Variants in TRIM5 observed in about 807,000 individuals in gnomAD.
TRIM5 encodes tripartite motif-containing protein 5.
In TRIM5, 31 loss-of-function variants were observed where a neutral mutation model predicts 35.6. The observed-to-expected ratio is 0.87, with a 90% CI of 0.65 to 1.18. The LOEUF is 1.18. TRIM5 is among the 50% of genes most tolerant of loss of function. The probability of loss-of-function intolerance (pLI) is 0.00; values close to 1 mark genes in which losing one functional copy is unlikely to be tolerated. For synonymous variants in TRIM5, 243 were observed against 215.6 expected, an observed-to-expected ratio of 1.13 and a Z score of -1.11; for missense variants, 609 against 591.6, an observed-to-expected ratio of 1.03 and a Z score of -0.31.
intron 4 of TRIM5, among the ~76,000 whole-genome samples, chr11:5,670,323 T>G (rs190072810): frequency 3.3e-4 from 49 of 148,092 alleles, no homozygotes; most frequent in South Asian, 6.7e-4. Context: ...GACTACAGGC[T>G]CCCACCACCA....
At chr11:5,657,487 ATTTATAT>A in the TRIM5 span, among the ~76,000 whole-genome samples, 1 of 123,148 alleles carries the variant, frequency 8.1e-6, no homozygotes, top group Non-Finnish European at 1.8e-5. Flanking sequence ...TATATAATGC[ATTTATAT>A]ATATATTTAT....
the TRIM5 span, chr11:5,610,604 C>T: frequency 1.2e-5 from 20 of 1,600,156 alleles, no homozygotes; most frequent in Non-Finnish European, 1.5e-5. Flanking sequence ...ACATTCTGAT[C>T]TCCTTTCACA....
Position 5,679,927 on chromosome 11 carries a change from T to C in TRIM5, c.251A>G (p.Lys84Arg), listed in dbSNP as rs149398205. Residue 84 changes from lysine (K) to arginine (R), a missense_variant, in exon 2 of 8, where the codon AAG becomes AGG. Coordinates refer to ENST00000380034, the MANE Select transcript of TRIM5 (RefSeq NM_033034.3). ...AACTTTCTGCCCCTCTGGGCTCAAC[T>C]TGACCTCCCTGAGCTTCTCCACTAT... ...ANIVEKLREV[K>R]LSPEGQKVDH... 61 of 1,614,034 alleles carry C rather than the reference T, an allele frequency of 3.8e-5. No homozygotes were observed. The African/African-American group carries it at 7.1e-4, about 19-fold the overall frequency.
At chr11:5,643,123 ATAT>A in the TRIM5 span, 4 of 1,084,920 alleles carry the variant, frequency 3.7e-6, no homozygotes, top group African/African-American at 2.6e-5. Flanking sequence ...ACATATATAT[ATAT>A]TTTTTTTTTT....
the TRIM5 span, among the ~76,000 whole-genome samples, chr11:5,606,952 C>T: frequency 6.6e-6 from 1 of 152,264 alleles, no homozygotes; most frequent in South Asian, 2.1e-4. Context: ...GCCTGTAATC[C>T]CAGCACTTTG....
chr11:5,603,000 G>T, the TRIM5 span, among the ~76,000 whole-genome samples: 4 of 152,088 alleles, frequency 2.6e-5, no homozygotes, highest in Non-Finnish European at 5.9e-5. Flanking sequence ...ACTCACACAG[G>T]CCCCTCCTTT....
chr11:5,679,194 G>C, intron 2 of TRIM5, 25 bp from the exon 3 acceptor site: 1 of 1,600,398 alleles, frequency 6.2e-7, no homozygotes, highest in Non-Finnish European at 8.6e-7. Context: ...TCACACCATA[G>C]TCAAGCTATG....
the TRIM5 span, among the ~76,000 whole-genome samples, chr11:5,649,967 T>C: frequency 4.5e-3 from 686 of 152,346 alleles, 10 homozygotes; most frequent in Non-Finnish European, 7.8e-3. Flanking sequence ...CTCAGGATGA[T>C]GGGGAACATA....
intron 4 of TRIM5, among the ~76,000 whole-genome samples, chr11:5,677,152 C>A (rs1480869310): frequency 6.6e-6 from 1 of 152,058 alleles, no homozygotes; most frequent in South Asian, 2.1e-4. Flanking sequence ...AAACTACCAT[C>A]AAAGTGAACA....
At chr11:5,643,125 A>AT in the TRIM5 span, 1,517 of 973,754 alleles carry the variant, frequency 1.6e-3, 13 homozygotes, top group African/African-American at 0.02. Flanking sequence ...ATATATATAT[A>AT]TTTTTTTTTT....
At position 5,664,674 on chromosome 11, in the gene TRIM5, G is replaced by A; in HGVS notation, c.*135C>T. The A allele has an allele frequency of 7.0e-7, 1 of 1,430,408 alleles. No individual in the cohort carries two copies. The highest frequency in any genetic ancestry group is 9.1e-7 in the Non-Finnish European group (1 of 1,096,484). 88.6% of individuals were successfully genotyped at this position (1,430,408 alleles called of 1,614,324 possible). On this transcript the variant is annotated 3_prime_UTR_variant, in exon 8 of 8. Coordinates refer to ENST00000380034, the MANE Select transcript of TRIM5 (RefSeq NM_033034.3). ...AAGGCAATTATTACATTTTACTGAT[G>A]AGTGAAGGACGTTCAAATAGAAAGA...
the TRIM5 span, among the ~76,000 whole-genome samples, chr11:5,629,277 A>C: frequency 6.8e-6 from 1 of 147,112 alleles, no homozygotes; most frequent in Admixed American, 6.7e-5. Flanking sequence ...ACTCCATCTC[A>C]AAAAAAAACA....
intron 4 of TRIM5, among the ~76,000 whole-genome samples, chr11:5,670,321 G>C (rs1851488902): frequency 6.7e-6 from 1 of 149,018 alleles, no homozygotes. Context: ...GGGACTACAG[G>C]CTCCCACCAC....
rs2134121958 is a variant in TRIM5 at position 5,680,224 on chromosome 11, C to T, written c.-47G>A. On this transcript the variant is annotated 5_prime_UTR_variant, in exon 2 of 8. Coordinates refer to ENST00000380034, the MANE Select transcript of TRIM5 (RefSeq NM_033034.3). ...GCCTGTCCTGGCTGCTGAGGTTCCT[C>T]TTGTTCACAGATCCCTGCATGATTG... 1.3e-6 allele frequency: 2 copies of T among 1,526,506 alleles called. No homozygotes were observed. Among genetic ancestry groups the T allele is most frequent in the South Asian group, 2.6e-5 (2 of 76,806 alleles). 94.6% of individuals were successfully genotyped at this position (1,526,506 alleles called of 1,614,324 possible).
At chr11:5,628,216 T>C in the TRIM5 span, among the ~76,000 whole-genome samples, 1 of 152,248 alleles carries the variant, frequency 6.6e-6, no homozygotes, top group Non-Finnish European at 1.5e-5. Context: ...TCACAGCCCG[T>C]GGCAGAATGC....
the TRIM5 span, among the ~76,000 whole-genome samples, chr11:5,646,797 A>G: frequency 1.3e-5 from 2 of 152,162 alleles, no homozygotes; most frequent in African/African-American, 4.8e-5. Context: ...ACTCGTGTCC[A>G]CTTTCTCCCT....
rs1433988821 is a variant in TRIM5, at chr11:5,664,376, CAAAT to C, written c.*429_*432del. 13 of 993,810 alleles carry C rather than the reference CAAAT, an allele frequency of 1.3e-5. No homozygotes were observed. The highest frequency in any genetic ancestry group is 1.7e-5 in the African/African-American group (1 of 57,280). The allele number at this position is 993,810 out of a possible 1,614,324, so 61.6% of individuals were successfully genotyped here. A position where few individuals can be genotyped will look rare whatever the true frequency, so the allele number is the denominator to read the frequency against. ...TTTATGATATTTTCTCTTTAACTCA[CAAAT>C]AAGGGCATCGAGGGTAAACTGACAC... On this transcript the variant is annotated 3_prime_UTR_variant, in exon 8 of 8. Transcript: ENST00000380034.
the TRIM5 span, chr11:5,612,122 G>A: frequency 6.6e-6 from 1 of 152,024 alleles, no homozygotes; most frequent in Non-Finnish European, 1.5e-5. Flanking sequence ...ATGCAATACT[G>A]GATTTATTTT....
intron 4 of TRIM5, among the ~76,000 whole-genome samples, chr11:5,671,117 T>C (rs1433225878): frequency 6.6e-6 from 1 of 151,996 alleles, no homozygotes; most frequent in Non-Finnish European, 1.5e-5. Context: ...TCCCAGCTAG[T>C]CTGGGGTCTG....
Sources: allele counts gnomAD v4.1 joint callset (sites outside exome capture counted in the v4.1 genomes callset), GRCh38; gene constraint gnomAD v4.1.1; transcripts MANE v1.5; gene names NCBI Gene and HGNC (gene_info 2026-07-23, HGNC 2026-07-21).